DGKH: variants seen among roughly 807,000 people sequenced by gnomAD.
The protein encoded by DGKH is diacylglycerol kinase eta.
Under a neutral mutation model 159.3 loss-of-function variants are expected in DGKH, and 90 were observed. The observed-to-expected ratio is 0.57, with a 90% CI of 0.48 to 0.67. The LOEUF (loss-of-function observed/expected upper bound fraction) is 0.67, where lower values mean the gene tolerates loss of function less well. Ranked by LOEUF, DGKH falls within the 30% of genes least tolerant of loss-of-function variation. DGKH has a pLI of 0.00. For missense variants in DGKH, 1,181 were observed against 1,506.1 expected (o/e 0.78, Z 3.57); for synonymous variants, 536 against 553.8 (o/e 0.97, Z 0.45).
At chr13:42,065,871 T>A (rs777790986) in intron 1 of DGKH, among the ~76,000 whole-genome samples, 11 of 152,130 alleles carry the variant, frequency 7.2e-5, no homozygotes, top group Non-Finnish European at 1.2e-4. Flanking sequence ...CCACAAGCAA[T>A]GTGATCATAT....
chr13:42,046,324 A>T (rs563723377), upstream of DGKH, among the ~76,000 whole-genome samples: 8 of 152,306 alleles, frequency 5.3e-5, no homozygotes, highest in Admixed American at 4.6e-4. Context: ...ACCTTGTAAT[A>T]CTCTTGAGGA....
At chr13:42,151,528 CGTGT>C (rs1566134569) in intron 3 of DGKH, among the ~76,000 whole-genome samples, 2 of 74,028 alleles carry the variant, frequency 2.7e-5, no homozygotes, top group African/African-American at 8.8e-5. Context: ...TATATATACA[CGTGT>C]ATATATATAT....
intron 1 of DGKH, among the ~76,000 whole-genome samples, chr13:42,121,114 G>A (rs929313749): frequency 1.1e-4 from 13 of 116,774 alleles, no homozygotes; most frequent in South Asian, 7.7e-4. Context: ...ACACACACAC[G>A]CACACAAGAC....
chr13:42,073,656 T>C (rs1343151424), intron 1 of DGKH, among the ~76,000 whole-genome samples: 1 of 152,236 alleles, frequency 6.6e-6, no homozygotes, highest in Non-Finnish European at 1.5e-5. Flanking sequence ...ATTAAATGCA[T>C]TTTCAGCTTA....
chr13:42,144,749 A>G (rs1007116068), intron 3 of DGKH, among the ~76,000 whole-genome samples: 7 of 152,094 alleles, frequency 4.6e-5, no homozygotes, highest in Admixed American at 1.3e-4. Flanking sequence ...CTTATTGACA[A>G]CTCCAGAATT....
intron 1 of DGKH, among the ~76,000 whole-genome samples, chr13:42,082,338 A>G (rs1432723654): frequency 6.6e-6 from 1 of 152,124 alleles, no homozygotes; most frequent in Admixed American, 6.5e-5. Context: ...CTATTTTAAA[A>G]GAGTATTTTT....
chr13:42,059,614 A>G (rs1036613034), intron 1 of DGKH, among the ~76,000 whole-genome samples: 3 of 152,210 alleles, frequency 2.0e-5, no homozygotes, highest in Admixed American at 1.3e-4. Context: ...GGTAGTGGAA[A>G]TAATTGGCCA....
chr13:42,183,619 T>C (rs557074722), intron 13 of DGKH, among the ~76,000 whole-genome samples: 1 of 152,382 alleles, frequency 6.6e-6, no homozygotes, highest in African/African-American at 2.4e-5. Flanking sequence ...ATTTTTAAAA[T>C]GTTGAAATGC....
At chr13:42,210,083 C>T (rs1008154068) in intron 23 of DGKH, among the ~76,000 whole-genome samples, 8 of 147,984 alleles carry the variant, frequency 5.4e-5, no homozygotes, top group Non-Finnish European at 1.0e-4. Context: ...AAGAAGACTG[C>T]TAATATTTGC....
At chr13:42,113,348 T>C (rs1040936277) in intron 1 of DGKH, among the ~76,000 whole-genome samples, 5 of 152,222 alleles carry the variant, frequency 3.3e-5, no homozygotes, top group Admixed American at 2.6e-4. Context: ...GATTTTAGTA[T>C]GTGTAGGTTC....
intron 1 of DGKH, chr13:42,069,708 A>T: frequency 8.9e-7 from 1 of 1,127,584 alleles, no homozygotes; most frequent in Middle Eastern, 3.0e-4. Flanking sequence ...AGTTAACTTC[A>T]TTCTCTCTCC....
At chr13:42,134,804 C>CTTGTATATTTAGG (rs1955367008) in intron 3 of DGKH, among the ~76,000 whole-genome samples, 1 of 151,960 alleles carries the variant, frequency 6.6e-6, no homozygotes, top group Admixed American at 6.6e-5. Flanking sequence ...GGCGAACCCC[C>CTTGTATATTTAGG]CTTGTCTACT....
intron 1 of DGKH, among the ~76,000 whole-genome samples, chr13:42,065,134 G>A (rs1019057176): frequency 2.4e-4 from 37 of 152,156 alleles, no homozygotes; most frequent in African/African-American, 8.4e-4. Flanking sequence ...ACCTCCGAAC[G>A]TCAGAAGGGT....
rs767162299 is a variant in DGKH at position 42,190,359 on chromosome 13, T to G, written c.1913-44T>G. On this transcript the variant is annotated intron_variant, in intron 15 of 29. Coordinates refer to ENST00000337343, the MANE Select transcript of DGKH (RefSeq NM_178009.5). ...GAGCATATCTTAATATTAATGGGCT[T>G]TATTTTCACTTATCCAAACTATTTG... is the stretch of plus-strand genomic sequence containing the variant. 24 of 1,582,198 alleles carry G rather than the reference T, an allele frequency of 1.5e-5. No individual in the cohort carries two copies. In the South Asian group the frequency reaches 2.9e-4, roughly 19 times the overall value.
chr13:42,138,090 C>T lies in DGKH; in HGVS notation c.384+8458C>T, dbSNP rs1332075207. ...TCATTCCCTGTGAGCTGAAAGGGGC[C>T]TTCAAGAAGAGAGTTCTCAGAGCAG... is the stretch of plus-strand genomic sequence containing the variant. On this transcript the variant is annotated intron_variant, in intron 3 of 29. Transcript: ENST00000337343. 4.1e-6 allele frequency: 4 copies of T among 985,250 alleles called. No individual in the cohort carries two copies. The African/African-American group carries it at 5.2e-5, about 13-fold the overall frequency. 61.0% of individuals were successfully genotyped at this position (985,250 alleles called of 1,614,324 possible).
At chr13:42,052,485 G>A (rs1306919138) in intron 1 of DGKH, among the ~76,000 whole-genome samples, 1 of 152,216 alleles carries the variant, frequency 6.6e-6, no homozygotes, top group Admixed American at 6.5e-5. Context: ...ATGTACAAAA[G>A]TGAAAGTGGT....
intron 3 of DGKH, among the ~76,000 whole-genome samples, chr13:42,141,346 T>G (rs1271940444): frequency 6.6e-6 from 1 of 152,122 alleles, no homozygotes; most frequent in Non-Finnish European, 1.5e-5. Context: ...TTGTGAATAG[T>G]GCTGCAGCAA....
intron 1 of DGKH, among the ~76,000 whole-genome samples, chr13:42,060,686 A>G (rs1201629021): frequency 1.3e-5 from 2 of 152,220 alleles, no homozygotes; most frequent in African/African-American, 4.8e-5. Context: ...AGTGTATGAA[A>G]GAGACACATC....
Position 42,208,981 on chromosome 13 carries a change from A to C in DGKH, c.2624A>C (p.Asp875Ala). The change falls in exon 22 of 30, where the codon GAT (aspartate) becomes GCT (alanine). Residue 875 changes from aspartate to alanine, a missense_variant. Around this residue, in one of 5 missense-constraint regions of DGKH, gnomAD observed 335 missense variants for 495.2 expected, o/e 0.68. Transcript: ENST00000337343. ...EDDIFAAPSF[D>A]DKILEVVAIF... is the part of the protein sequence containing the mutation. ...CAGATATTTGCTGCACCATCCTTTGATGACAAGATCCTGGAAGTTGTAGCA... is the reference window on the plus strand; with the variant it reads ...CAGATATTTGCTGCACCATCCTTTGCTGACAAGATCCTGGAAGTTGTAGCA... 1 of 1,612,008 alleles carries C rather than the reference A, an allele frequency of 6.2e-7. No individual in the cohort carries two copies. Among genetic ancestry groups the C allele is most frequent in the Non-Finnish European group, 8.5e-7 (1 of 1,179,032 alleles).
Sources: gnomAD v4.1 joint callset for allele counts (sites outside exome capture counted in the v4.1 genomes callset) on GRCh38, gnomAD v4.1.1 for gene constraint, gnomAD v4.1.1 regional missense constraint, MANE v1.5 for transcripts, NCBI Gene and HGNC (gene_info 2026-07-23, HGNC 2026-07-21) for gene names.